COBLL1: variants seen among roughly 807,000 people sequenced by gnomAD.
The protein encoded by COBLL1 is cordon-bleu protein-like 1.
A neutral mutation model predicts 94.8 loss-of-function variants in COBLL1; 50 were observed. The ratio of observed to expected loss-of-function variants is 0.53; its 90% confidence interval spans 0.42 to 0.67. The LOEUF is 0.67. Among genes scored for constraint, COBLL1 ranks in the 30% least tolerant of loss-of-function variants. The pLI, the probability that COBLL1 is intolerant of heterozygous loss-of-function variation, is 0.00. For synonymous variants in COBLL1, 448 were observed against 473.8 expected (o/e 0.95, Z 0.71); for missense variants, 1,362 against 1,348.7 (o/e 1.01, Z -0.15).
chr2:164,837,502 C>CAAA (rs200406641), intron 2 of COBLL1: 37 of 378,200 alleles, frequency 9.8e-5, no homozygotes, highest in East Asian at 2.5e-4. Flanking sequence ...TTGCTCTCTG[C>CAAA]AAAAAAAAAA....
intron 2 of COBLL1, among the ~76,000 whole-genome samples, chr2:164,665,349 AG>A (rs1475626059): frequency 6.0e-5 from 9 of 149,700 alleles, no homozygotes; most frequent in South Asian, 2.1e-4. Context: ...AAAGAAAGAA[AG>A]AAAGAAAGAA....
At chr2:164,678,630 G>GCC (rs1280814935), downstream of COBLL1, among the ~76,000 whole-genome samples, 3 of 151,892 alleles carry the variant, frequency 2.0e-5, no homozygotes, top group Non-Finnish European at 4.4e-5. Flanking sequence ...TTTTCATTAA[G>GCC]ACAATTTAAA....
intron 5 of COBLL1, among the ~76,000 whole-genome samples, chr2:164,725,426 A>G (rs1685677675): frequency 6.6e-6 from 1 of 151,862 alleles, no homozygotes; most frequent in South Asian, 2.1e-4. Flanking sequence ...TTTATTTTTT[A>G]TTTATTTTTT....
At chr2:164,830,692 G>A (rs1333053696) in intron 2 of COBLL1, among the ~76,000 whole-genome samples, 1 of 152,026 alleles carries the variant, frequency 6.6e-6, no homozygotes, top group East Asian at 1.9e-4. Flanking sequence ...CTTCTACATA[G>A]AATCACAGAC....
chr2:164,698,991 G>T (rs1684094677), intron 11 of COBLL1, among the ~76,000 whole-genome samples: 1 of 151,880 alleles, frequency 6.6e-6, no homozygotes, highest in Non-Finnish European at 1.5e-5. Flanking sequence ...AGGCAGAAAA[G>T]TTTCATCCAA....
chr2:164,841,124 C>A lies in COBLL1; in HGVS notation c.41+32G>T. On this transcript the variant is annotated intron_variant, in intron 2 of 13. Coordinates refer to ENST00000652658, the MANE Select transcript of COBLL1 (RefSeq NM_001365672.2). This position sits in a 1 kb window ranked among gnomAD's most constrained non-coding sequence, Gnocchi z 5.5. ...CTGTCCTCGCCGGCCTCGCCCTCCC[C>A]GGTGAGAGGCGGCGCGGCGCTCTGG... 1.6e-6 allele frequency: 2 copies of A among 1,229,332 alleles called. No homozygotes were observed. The highest frequency in any genetic ancestry group is 2.0e-6 in the Non-Finnish European group (2 of 986,334). The allele number at this position is 1,229,332 out of a possible 1,614,324, so 76.2% of individuals were successfully genotyped here.
At chr2:164,729,785 A>G in intron 4 of COBLL1, 129 bp downstream of exon 4, 1 of 777,728 alleles carries the variant, frequency 1.3e-6, no homozygotes, top group Non-Finnish European at 2.1e-6. Context: ...ATCCTAAACA[A>G]AGTGCCTAGA....
At chr2:164,661,518 C>T (rs1489786661) in intron 2 of COBLL1, among the ~76,000 whole-genome samples, 1 of 152,038 alleles carries the variant, frequency 6.6e-6, no homozygotes, top group Non-Finnish European at 1.5e-5. Context: ...TTAAGCATTT[C>T]CAAACATTTC....
intron 2 of COBLL1, among the ~76,000 whole-genome samples, chr2:164,834,507 G>A (rs1683232085): frequency 6.6e-6 from 1 of 152,098 alleles, no homozygotes; most frequent in Non-Finnish European, 1.5e-5. Flanking sequence ...TAATAATTTT[G>A]TTTTAACTGA....
chr2:164,721,772 T>C (rs1228658549), intron 7 of COBLL1: 2 of 176,256 alleles, frequency 1.1e-5, no homozygotes, highest in Non-Finnish European at 2.4e-5. Flanking sequence ...GAGCCCCTAG[T>C]TAGGCCTTAG....
chr2:164,658,931 A>G (rs769780347), intron 2 of COBLL1, among the ~76,000 whole-genome samples: 1 of 151,958 alleles, frequency 6.6e-6, no homozygotes, highest in Non-Finnish European at 1.5e-5. Context: ...TATCTGCTTG[A>G]CAGTTCCCTT....
chr2:164,760,248 G>T (rs924059386), intron 2 of COBLL1, among the ~76,000 whole-genome samples: 1 of 152,124 alleles, frequency 6.6e-6, no homozygotes, highest in Admixed American at 6.5e-5. Context: ...CATTCAACTC[G>T]GATGGATCTC....
chr2:164,714,771 T>C (rs1048027775), intron 7 of COBLL1, among the ~76,000 whole-genome samples: 11 of 152,264 alleles, frequency 7.2e-5, no homozygotes, highest in African/African-American at 2.6e-4. Context: ...ATCACAGAGA[T>C]AGAGAGGCTA....
intron 7 of COBLL1, among the ~76,000 whole-genome samples, chr2:164,706,670 A>G (rs1371958600): frequency 6.6e-6 from 1 of 152,116 alleles, no homozygotes; most frequent in Admixed American, 6.6e-5. Flanking sequence ...TGTATCTGTC[A>G]CATCTCACAC....
chr2:164,705,965 C>T (rs1480277454), intron 7 of COBLL1, among the ~76,000 whole-genome samples: 3 of 152,116 alleles, frequency 2.0e-5, no homozygotes, highest in South Asian at 2.1e-4. Flanking sequence ...ATCCCAGAGG[C>T]GGAGGTGGCA....
chr2:164,785,653 G>A (rs1688920195), intron 2 of COBLL1, among the ~76,000 whole-genome samples: 1 of 152,096 alleles, frequency 6.6e-6, no homozygotes, highest in Non-Finnish European at 1.5e-5. Flanking sequence ...AAAAGTGAGA[G>A]ACAATGTAGC....
intron 2 of COBLL1, among the ~76,000 whole-genome samples, chr2:164,807,334 A>C (rs1041997739): frequency 1.3e-5 from 2 of 151,866 alleles, no homozygotes; most frequent in Non-Finnish European, 2.9e-5. Flanking sequence ...GCTACTCAGG[A>C]GGCTGAGGCA....
intron 2 of COBLL1, among the ~76,000 whole-genome samples, chr2:164,765,401 A>C (rs1687881540): frequency 6.6e-6 from 1 of 152,224 alleles, no homozygotes; most frequent in Admixed American, 6.5e-5. Flanking sequence ...AGGAACAAAG[A>C]GAAGGGAGTG....
In COBLL1 at chr2:164,694,493, T is replaced by A. The variant is rs562942148; in HGVS notation, c.2899A>T (p.Asn967Tyr). 5.0e-6 allele frequency: 8 copies of A among 1,613,986 alleles called. No individual in the cohort carries two copies. In the African/African-American group the frequency reaches 1.1e-4, roughly 22 times the overall value. ...TIPASQVSTQ[N>Y]LKTLKTFGAP... ...CCAAAAGTTTTCAAAGTCTTCAGAT[T>A]TTGTGTGGATACCTGACTAGCAGGA... The change falls in exon 12 of 14, where the codon AAT (asparagine) becomes TAT (tyrosine). Residue 967 changes from asparagine (N) to tyrosine (Y), a missense_variant. Physicochemically the swap from Asn to Tyr is moderately radical, Grantham distance 143. Transcript: ENST00000652658.
Sources: allele counts gnomAD v4.1 joint callset (sites outside exome capture counted in the v4.1 genomes callset), GRCh38; gene constraint gnomAD v4.1.1; non-coding constraint Gnocchi (gnomAD v3.1); transcripts MANE v1.5; gene names NCBI Gene and HGNC (gene_info 2026-07-23, HGNC 2026-07-21).